The following RBPJ variants were observed in gnomAD, a reference collection of about 807,000 sequenced individuals.
The protein encoded by RBPJ is recombination signal binding protein for immunoglobulin kappa J region.
Under a neutral mutation model 67.8 loss-of-function variants are expected in RBPJ, and 9 were observed. The ratio of observed to expected loss-of-function variants is 0.13; its 90% CI spans 0.08 to 0.23. The LOEUF (loss-of-function observed/expected upper bound fraction) is 0.23. Ranked by LOEUF, RBPJ falls within the 10% of genes least tolerant of loss-of-function variation. RBPJ has a pLI of 1.00. For synonymous variants in RBPJ, 198 were observed against 203.3 expected (o/e 0.97, Z 0.22); for missense variants, 305 against 595.6 (o/e 0.51, Z 5.08).
chr4:26,320,769 G>C (rs1244454365), upstream of RBPJ: 6 of 1,554,518 alleles, frequency 3.9e-6, 1 homozygote, highest in East Asian at 2.4e-5. Context: ...GGACCACACG[G>C]AGGGCTCGCC....
intron 1 of RBPJ, among the ~76,000 whole-genome samples, chr4:26,219,049 G>A (rs1718815512): frequency 6.6e-6 from 1 of 152,084 alleles, no homozygotes; most frequent in Non-Finnish European, 1.5e-5. Flanking sequence ...GTCCCAAAAA[G>A]AATTACAAGC....
the RBPJ span, among the ~76,000 whole-genome samples, chr4:26,134,402 G>A: frequency 1.3e-5 from 2 of 151,928 alleles, no homozygotes; most frequent in Non-Finnish European, 2.9e-5. Context: ...ATTAAACCCT[G>A]GCTGGGACAC....
At chr4:26,181,038 C>T (rs1414108740) in intron 1 of RBPJ, among the ~76,000 whole-genome samples, 1 of 152,182 alleles carries the variant, frequency 6.6e-6, no homozygotes, top group African/African-American at 2.4e-5. Flanking sequence ...TAAGACATCC[C>T]TTTGCTCTTC....
chr4:26,143,269 CT>C, the RBPJ span, among the ~76,000 whole-genome samples: 1 of 152,254 alleles, frequency 6.6e-6, no homozygotes. Context: ...ACCAGTCCCC[CT>C]GTGCCATACA....
In RBPJ at chr4:26,303,234, T is replaced by A. The variant is rs922323835; in HGVS notation, c.-166-59212T>A. Among the ~76,000 whole-genome samples, 4 of 146,948 alleles carry A rather than the reference T, an allele frequency of 2.7e-5. No homozygotes were observed. The South Asian group carries it at 6.3e-4, about 23-fold the overall frequency. On this transcript the variant is annotated intron_variant, in intron 1 of 4. Coordinates refer to the RBPJ transcript ENST00000512351. ...TAAATAAATAATAAATGAATAAATA[T>A]ATATATATATAATCCATATGAAATA...
At chr4:26,409,155 T>A (rs1733770275) in intron 3 of RBPJ, among the ~76,000 whole-genome samples, 1 of 152,248 alleles carries the variant, frequency 6.6e-6, no homozygotes, top group Non-Finnish European at 1.5e-5. Flanking sequence ...GTTTTAAAAG[T>A]CACTGTGTCA....
the RBPJ span, among the ~76,000 whole-genome samples, chr4:26,157,119 A>T: frequency 1.3e-5 from 2 of 151,194 alleles, no homozygotes; most frequent in Non-Finnish European, 3.0e-5. Context: ...AAACAAACAA[A>T]AAAACCCCCA....
chr4:26,205,022 C>T (rs1718121447), intron 1 of RBPJ, among the ~76,000 whole-genome samples: 1 of 152,148 alleles, frequency 6.6e-6, no homozygotes, highest in South Asian at 2.1e-4. Flanking sequence ...CGCCAGGGGC[C>T]ACGTGGCTGG....
At chr4:26,319,932 C>A, upstream of RBPJ, 2 of 1,555,532 alleles carry the variant, frequency 1.3e-6, no homozygotes, top group South Asian at 1.1e-5. Context: ...CCTGCTGTTC[C>A]ATGCCCGGTG....
chr4:26,285,678 T>TAAAAAAAA (rs545484809), intron 1 of RBPJ, among the ~76,000 whole-genome samples: 1 of 96,282 alleles, frequency 1.0e-5, no homozygotes, highest in African/African-American at 4.5e-5. Flanking sequence ...ACTGATACGT[T>TAAAAAAAA]AAAAAAAAAA....
chr4:26,269,038 G>A (rs1167273594), intron 1 of RBPJ, among the ~76,000 whole-genome samples: 1 of 151,940 alleles, frequency 6.6e-6, no homozygotes, highest in Non-Finnish European at 1.5e-5. Flanking sequence ...ACTGGCAAAT[G>A]CATGTGCTTT....
intron 1 of RBPJ, among the ~76,000 whole-genome samples, chr4:26,325,394 A>G (rs1723516099): frequency 6.6e-6 from 1 of 152,166 alleles, no homozygotes; most frequent in South Asian, 2.1e-4. Flanking sequence ...GGCTCCCCCT[A>G]GCAGCGTTCA....
chr4:26,317,217 G>A (rs938460507), upstream of RBPJ, among the ~76,000 whole-genome samples: 1 of 151,842 alleles, frequency 6.6e-6, no homozygotes, highest in Non-Finnish European at 1.5e-5. Flanking sequence ...GGGATAAGGA[G>A]TATGGGAGTC....
chr4:26,276,507 C>G (rs1043671863), intron 1 of RBPJ, among the ~76,000 whole-genome samples: 2 of 152,082 alleles, frequency 1.3e-5, no homozygotes, highest in African/African-American at 2.4e-5. Flanking sequence ...GAAAAAAACA[C>G]AATCCACAGA....
intron 1 of RBPJ, among the ~76,000 whole-genome samples, chr4:26,181,754 A>C (rs749600499): frequency 6.6e-6 from 1 of 152,224 alleles, no homozygotes; most frequent in East Asian, 1.9e-4. Flanking sequence ...TTGTGTATCT[A>C]AACATAGAAA....
intron 1 of RBPJ, among the ~76,000 whole-genome samples, chr4:26,235,364 T>G (rs967155320): frequency 1.2e-4 from 18 of 152,272 alleles, no homozygotes; most frequent in African/African-American, 4.3e-4. Context: ...CTAAATAAGA[T>G]GTGTAACTTT....
intron 1 of RBPJ, among the ~76,000 whole-genome samples, chr4:26,196,536 C>T (rs181336232): frequency 2.6e-5 from 4 of 152,252 alleles, no homozygotes; most frequent in Admixed American, 1.3e-4. Context: ...AGAATCATAA[C>T]AAACCTATGA....
intron 1 of RBPJ, chr4:26,384,498 G>GAACAAGTTACTTAACTGTTTATA (rs1241075406): frequency 2.6e-5 from 4 of 152,112 alleles, no homozygotes; most frequent in Non-Finnish European, 4.4e-5. Flanking sequence ...CTGTGTTTAT[G>GAACAAGTTACTTAACTGTTTATA]AACAAGTTAC....
rs3214341 is a variant in RBPJ at position 26,430,199 on chromosome 4, GAA to G, written c.1044+154_1044+155del. On this transcript the variant is annotated intron_variant, in intron 9 of 10. Transcript: ENST00000355476. The surrounding 1 kb of genome is among the most constrained non-coding windows in gnomAD (Gnocchi z 4.1). Reference sequence around the variant, plus strand: ...TATATACACCATTTGTTGATTTAAAGAAAAAAAAACAAAATTAGGAGGAGCGT... The same window carrying G: ...TATATACACCATTTGTTGATTTAAAGAAAAAAACAAAATTAGGAGGAGCGT... The G allele has an allele frequency of 9.1e-6, 9 of 988,958 alleles. No individual in the cohort carries two copies. The highest frequency in any genetic ancestry group is 8.9e-6 in the Non-Finnish European group (6 of 670,690). 61.3% of individuals were successfully genotyped at this position (988,958 alleles called of 1,614,324 possible).
Sources: gnomAD v4.1 joint callset for allele counts (sites outside exome capture counted in the v4.1 genomes callset) on GRCh38, gnomAD v4.1.1 for gene constraint, Gnocchi (gnomAD v3.1) non-coding constraint, MANE v1.5 for transcripts, NCBI Gene and HGNC (gene_info 2026-07-23, HGNC 2026-07-21) for gene names.